The following PMFBP1 variants were observed in gnomAD, a reference collection of about 807,000 sequenced individuals.
The protein encoded by PMFBP1 is polyamine modulated factor 1 binding protein 1.
In PMFBP1, 131 loss-of-function variants were observed where a neutral mutation model predicts 137.8. The observed-to-expected ratio is 0.95, with a 90% confidence interval of 0.82 to 1.10. The LOEUF is 1.10. Among genes scored for constraint, PMFBP1 ranks in the 50% least tolerant of loss-of-function variants. PMFBP1 has a pLI of 0.00. For missense variants in PMFBP1, 1,199 were observed against 1,175.4 expected, an observed-to-expected ratio of 1.02 and a Z score of -0.29; for synonymous variants, 490 against 450.4, an observed-to-expected ratio of 1.09 and a Z score of -1.11.
chr16:72,150,739 C>A lies in PMFBP1; in HGVS notation c.505G>T (p.Asp169Tyr). 2 of 1,614,136 alleles carry A rather than the reference C, an allele frequency of 1.2e-6. No homozygotes were observed. The highest frequency in any genetic ancestry group is 2.2e-5 in the South Asian group (2 of 91,078). Reference sequence around the variant, plus strand: ...CTCCTCTCTAGAGAGGCGATCTTGTCCCCGGCCAAGGCGAGTTGCTCCTGC... The same window carrying A: ...CTCCTCTCTAGAGAGGCGATCTTGTACCCGGCCAAGGCGAGTTGCTCCTGC... ...LAQEQLALAG[D>Y]KIASLERSLN... Residue 169 changes from aspartate (D) to tyrosine (Y), a missense_variant, in exon 5 of 21, where the codon GAC becomes TAC. Coordinates refer to ENST00000237353, the MANE Select transcript of PMFBP1 (RefSeq NM_031293.3).
chr16:72,123,771 G>A (rs1329343230), intron 17 of PMFBP1, 122 bp from the exon 18 acceptor site: 7 of 849,052 alleles, frequency 8.2e-6, no homozygotes, highest in African/African-American at 3.4e-5. Flanking sequence ...TGTCCAACCC[G>A]AGGCCAGAGT....
chr16:72,239,100 C>T, the PMFBP1 span, among the ~76,000 whole-genome samples: 1 of 152,128 alleles, frequency 6.6e-6, no homozygotes, highest in Admixed American at 6.5e-5. Context: ...GTTATTAGTG[C>T]TGAGATTGAG....
Position 72,166,769 on chromosome 16 carries a change from T to C in PMFBP1, c.13-1853A>G, listed in dbSNP as rs570612057. The stretch of plus-strand genomic sequence containing the variant: ...GGCTGTCAAACTCAGCATCAGTCAG[T>C]CAATGGCCAATGGCCATCCCATGGG... On this transcript the variant is annotated intron_variant, in intron 2 of 20. Transcript: ENST00000237353. Among the ~76,000 whole-genome samples the C allele has an allele frequency of 8.5e-5, 13 of 152,338 alleles. No individual in the cohort carries two copies. The East Asian group carries it at 1.5e-3, about 18-fold the overall frequency.
At chr16:72,149,206 C>T (rs1275116435) in intron 5 of PMFBP1, among the ~76,000 whole-genome samples, 2 of 152,178 alleles carry the variant, frequency 1.3e-5, no homozygotes, top group Admixed American at 1.3e-4. Context: ...AACCAGTAAA[C>T]GTTATCTCCC....
chr16:72,145,428 A>G (rs1290321203), intron 5 of PMFBP1, among the ~76,000 whole-genome samples: 1 of 152,156 alleles, frequency 6.6e-6, no homozygotes, highest in Non-Finnish European at 1.5e-5. Flanking sequence ...AGAGAAAGCA[A>G]GAAAGATCTG....
chr16:72,198,975 C>T, the PMFBP1 span, among the ~76,000 whole-genome samples: 1 of 152,168 alleles, frequency 6.6e-6, no homozygotes. Context: ...CTCCCCTGCC[C>T]CTTTTAAGTG....
rs139362746 is a variant in PMFBP1 at position 72,120,007 on chromosome 16, C to T, written c.2851G>A (p.Glu951Lys). The change falls in exon 20 of 21, where the codon GAG becomes AAG. Residue 951 changes from glutamate (E) to lysine (K), a missense_variant. By Grantham distance (56) the Glu-to-Lys change is moderately conservative. Transcript: ENST00000237353. The stretch of plus-strand genomic sequence containing the variant: ...GCTTTGGTGCATAGCCTTGTGTTCT[C>T]GGCTTTCATCTTCTTCTCTTCTATC... ...KEIEEKKMKA[E>K]NTRLCTKALG... is the part of the protein sequence containing the mutation. 45 of 1,614,028 alleles carry T rather than the reference C, an allele frequency of 2.8e-5. No individual in the cohort carries two copies. Among genetic ancestry groups the T allele is most frequent in the South Asian group, 2.7e-4 (25 of 91,076 alleles).
intron 19 of PMFBP1, among the ~76,000 whole-genome samples, chr16:72,121,812 T>C (rs925784974): frequency 6.6e-6 from 1 of 152,152 alleles, no homozygotes; most frequent in African/African-American, 2.4e-5. Context: ...AAATTTTTTA[T>C]ACAGACAGGG....
chr16:72,234,156 C>T, the PMFBP1 span, among the ~76,000 whole-genome samples: 1 of 152,284 alleles, frequency 6.6e-6, no homozygotes, highest in East Asian at 1.9e-4. Context: ...AAGTGTTACA[C>T]TATTTTCCAA....
chr16:72,166,647 G>A (rs993208177), intron 2 of PMFBP1, among the ~76,000 whole-genome samples: 4 of 152,184 alleles, frequency 2.6e-5, no homozygotes, highest in Non-Finnish European at 5.9e-5. Flanking sequence ...CATTTTCAGA[G>A]AGTCCTGTGG....
intron 3 of PMFBP1, 22 bp downstream of exon 3, chr16:72,164,742 C>A (rs764199953): frequency 2.5e-6 from 4 of 1,571,030 alleles, no homozygotes; most frequent in South Asian, 1.2e-5. Flanking sequence ...CAGGGGTGAG[C>A]GGCTGCTGCC....
rs2042570579 is a variant in PMFBP1 at position 72,132,901 on chromosome 16, C to T, written c.1294G>A (p.Glu432Lys). ...NSLLKKEKEL[E>K]KQQCMATELE... Reference sequence around the variant, plus strand: ...TCTGTGGCCATGCACTGCTGCTTCTCCAGCTCCTTCTCCTTTTTCAGGAGG... The same window carrying T: ...TCTGTGGCCATGCACTGCTGCTTCTTCAGCTCCTTCTCCTTTTTCAGGAGG... Residue 432 changes from glutamate (E) to lysine (K), a missense_variant, in exon 10 of 21, where the codon GAG becomes AAG. Transcript: ENST00000237353. The T allele has an allele frequency of 6.2e-7, 1 of 1,614,120 alleles. No individual in the cohort carries two copies. The highest frequency in any genetic ancestry group is 1.7e-5 in the Admixed American group (1 of 60,008).
At chr16:72,209,231 C>T in the PMFBP1 span, among the ~76,000 whole-genome samples, 5 of 152,350 alleles carry the variant, frequency 3.3e-5, no homozygotes, top group Admixed American at 6.5e-5. Context: ...TATCTCTACT[C>T]CAAGCATCCC....
At chr16:72,147,906 C>G (rs1187968117) in intron 5 of PMFBP1, among the ~76,000 whole-genome samples, 2 of 152,172 alleles carry the variant, frequency 1.3e-5, no homozygotes, top group Non-Finnish European at 2.9e-5. Context: ...AATAGGAACA[C>G]TTTTACACTG....
At chr16:72,193,885 C>T in the PMFBP1 span, among the ~76,000 whole-genome samples, 1 of 152,086 alleles carries the variant, frequency 6.6e-6, no homozygotes, top group Non-Finnish European at 1.5e-5. Context: ...CCAAGTTTTC[C>T]ACAGGGCGGG....
intron 4 of PMFBP1, 92 bp from the exon 5 acceptor site, chr16:72,150,921 T>C: frequency 9.2e-7 from 1 of 1,089,000 alleles, no homozygotes; most frequent in Non-Finnish European, 1.4e-6. Flanking sequence ...AGAAGTCTTG[T>C]ATCTGAACCA....
chr16:72,174,334 C>T (rs1024888348), upstream of PMFBP1, among the ~76,000 whole-genome samples: 3 of 152,196 alleles, frequency 2.0e-5, no homozygotes, highest in African/African-American at 4.8e-5. Flanking sequence ...TGAGAAAGCA[C>T]CACGACTTTC....
chr16:72,154,133 C>T, intron 4 of PMFBP1, 78 bp downstream of exon 4: 1 of 1,549,446 alleles, frequency 6.5e-7, no homozygotes, highest in Middle Eastern at 2.3e-4. Context: ...AGTCCAGCGT[C>T]TGCTTTCTAG....
intron 5 of PMFBP1, among the ~76,000 whole-genome samples, chr16:72,144,378 C>G (rs1597475020): frequency 6.6e-6 from 1 of 152,090 alleles, no homozygotes; most frequent in Non-Finnish European, 1.5e-5. Flanking sequence ...TCTATTAAAA[C>G]AAGCTACCAG....
Sources: allele counts gnomAD v4.1 joint callset (sites outside exome capture counted in the v4.1 genomes callset), GRCh38; gene constraint gnomAD v4.1.1; transcripts MANE v1.5; gene names NCBI Gene and HGNC (gene_info 2026-07-23, HGNC 2026-07-21).